Variants in SPRED2 observed in about 807,000 individuals in gnomAD.
SPRED2 encodes the protein sprouty related EVH1 domain containing 2, also known as sprouty-related, EVH1 domain-containing protein 2.
Under a neutral mutation model 43.0 loss-of-function variants are expected in SPRED2, and 47 were observed. The observed-to-expected ratio is 1.09, with a 90% confidence interval of 0.87 to 1.40. The LOEUF is 1.40. Among genes scored for constraint, SPRED2 ranks in the 40% most tolerant of loss-of-function variants. SPRED2 has a pLI of 0.00. For missense variants in SPRED2, 561 were observed against 586.4 expected (o/e 0.96, Z 0.45); for synonymous variants, 225 against 225.7 (o/e 1.00, Z 0.03).
At chr2:65,374,804 G>A (rs898545389) in intron 1 of SPRED2, among the ~76,000 whole-genome samples, 1 of 152,248 alleles carries the variant, frequency 6.6e-6, no homozygotes, top group African/African-American at 2.4e-5. Context: ...CTGACTTGGG[G>A]CCCAACTTCC....
intron 1 of SPRED2, among the ~76,000 whole-genome samples, chr2:65,353,926 C>CT (rs149101194): frequency 0.18 from 26,883 of 152,174 alleles, 2,939 homozygotes; most frequent in South Asian, 0.27. Context: ...AATGGATGCT[C>CT]TGCCCAGCTG....
At chr2:65,342,396 ATATGTATG>A (rs1301482508) in intron 2 of SPRED2, among the ~76,000 whole-genome samples, 3 of 147,730 alleles carry the variant, frequency 2.0e-5, no homozygotes, top group Non-Finnish European at 3.0e-5. Flanking sequence ...GTATATGTAT[ATATGTATG>A]TATATTTTGT....
chr2:65,407,215 T>C (rs1269714634), intron 1 of SPRED2, among the ~76,000 whole-genome samples: 10 of 151,056 alleles, frequency 6.6e-5, no homozygotes, highest in South Asian at 4.2e-4. Flanking sequence ...GTGTGAGCCA[T>C]AGTCTCTTTC....
intron 4 of SPRED2, among the ~76,000 whole-genome samples, chr2:65,323,306 T>G (rs1395338215): frequency 6.6e-6 from 1 of 152,150 alleles, no homozygotes. Context: ...ACTGTCAAAT[T>G]TTTCTATGGT....
At chr2:65,341,574 C>T (rs542424574) in intron 2 of SPRED2, among the ~76,000 whole-genome samples, 34 of 152,204 alleles carry the variant, frequency 2.2e-4, no homozygotes, top group African/African-American at 7.9e-4. Context: ...CCACCCCATG[C>T]CAAGGACGTG....
At chr2:65,309,376 T>G (rs1340936531), downstream of SPRED2, among the ~76,000 whole-genome samples, 1 of 151,588 alleles carries the variant, frequency 6.6e-6, no homozygotes, top group African/African-American at 2.4e-5. Context: ...CATGGTGATG[T>G]GCACCTGTAG....
intron 1 of SPRED2, among the ~76,000 whole-genome samples, chr2:65,405,827 T>C (rs890484033): frequency 6.6e-6 from 1 of 152,198 alleles, no homozygotes; most frequent in African/African-American, 2.4e-5. Flanking sequence ...TTACCAGCCC[T>C]TCTCCTCCCA....
At chr2:65,395,461 C>T in intron 1 of SPRED2, among the ~76,000 whole-genome samples, 1 of 152,174 alleles carries the variant, frequency 6.6e-6, no homozygotes, top group East Asian at 1.9e-4. Context: ...CCCTCACACT[C>T]ATCCATTCAG....
chr2:65,419,989 C>T (rs537315994), intron 1 of SPRED2, among the ~76,000 whole-genome samples: 1 of 152,082 alleles, frequency 6.6e-6, no homozygotes, highest in Non-Finnish European at 1.5e-5. Context: ...GTGGGCAGAT[C>T]ACTTGAGGTC....
intron 4 of SPRED2, among the ~76,000 whole-genome samples, chr2:65,321,919 C>T (rs530618679): frequency 5.9e-5 from 9 of 152,098 alleles, no homozygotes; most frequent in Admixed American, 2.6e-4. Context: ...ATTACAAGCA[C>T]GTGCCAACAC....
intron 4 of SPRED2, among the ~76,000 whole-genome samples, chr2:65,322,296 T>TATA (rs1558649902): frequency 5.6e-5 from 6 of 106,454 alleles, no homozygotes; most frequent in African/African-American, 1.8e-4. Context: ...ATATATATAT[T>TATA]TTTTTTTTTT....
Position 65,386,085 on chromosome 2 carries a change from GACCAGCCTGGCCAACAGGGTGAA to G in SPRED2, c.27-41212_27-41190del, listed in dbSNP as rs532248107. Among the ~76,000 whole-genome samples the G allele has an allele frequency of 4.8e-3, 736 of 152,192 alleles. 5 individuals carry two copies. The highest frequency in any genetic ancestry group is 0.017 in the African/African-American group (686 of 41,526). ...GGATCGCCTGAGGTCAGGAGTTTGAGACCAGCCTGGCCAACAGGGTGAAACCTCATCTCTACTAAAGATACAAA... is the reference window on the plus strand; with the variant it reads ...GGATCGCCTGAGGTCAGGAGTTTGAGACCTCATCTCTACTAAAGATACAAA... On this transcript the variant is annotated intron_variant, in intron 1 of 5. Transcript: ENST00000356388.
chr2:65,381,289 C>A (rs1480858156), intron 1 of SPRED2, among the ~76,000 whole-genome samples: 1 of 152,212 alleles, frequency 6.6e-6, no homozygotes, highest in African/African-American at 2.4e-5. Context: ...TGATAATAGA[C>A]AAATGCTCAT....
chr2:65,324,521 T>C (rs575504896), intron 4 of SPRED2, among the ~76,000 whole-genome samples: 2 of 152,212 alleles, frequency 1.3e-5, no homozygotes, highest in Non-Finnish European at 2.9e-5. Context: ...TCCTGCTGTA[T>C]GAGCCTTTTT....
chr2:65,396,287 G>C (rs939268413), intron 1 of SPRED2, among the ~76,000 whole-genome samples: 5 of 152,068 alleles, frequency 3.3e-5, no homozygotes, highest in Non-Finnish European at 5.9e-5. Flanking sequence ...GTCCTTCAAG[G>C]CTCAACTCAA....
rs1327427451 is a variant in SPRED2 at position 65,322,260 on chromosome 2, CTCTCTCTCTCTA to C, written c.439-5389_439-5378del. ...TCTCTCTCTCTCTCTCTCTCTCTCTCTCTCTCTCTCTATATATATATATATATATATATATTT... is the reference window on the plus strand; with the variant it reads ...TCTCTCTCTCTCTCTCTCTCTCTCTCTATATATATATATATATATATATTT... On this transcript the variant is annotated intron_variant, in intron 4 of 5. Transcript: ENST00000356388. Among the ~76,000 whole-genome samples, 210 of 75,974 alleles carry C rather than the reference CTCTCTCTCTCTA, an allele frequency of 2.8e-3. 1 individual carries two copies. The highest frequency in any genetic ancestry group is 4.2e-3 in the Non-Finnish European group (175 of 41,444). The allele number at this position is 75,974 out of a possible 152,430, so 49.8% of individuals were successfully genotyped here.
intron 1 of SPRED2, among the ~76,000 whole-genome samples, chr2:65,362,858 CAA>C (rs113411208): frequency 1.4e-5 from 2 of 141,544 alleles, no homozygotes; most frequent in African/African-American, 2.6e-5. Flanking sequence ...AACTCCATTT[CAA>C]AAAAAAAAAG....
rs760691501 is a variant in SPRED2, at chr2:65,332,008, A to G, written c.417T>C (p.Leu139=). 3 of 1,609,832 alleles carry G rather than the reference A, an allele frequency of 1.9e-6. No homozygotes were observed. Among genetic ancestry groups the G allele is most frequent in the African/African-American group, 1.3e-5 (1 of 74,848 alleles). ...SSSTIHNEAE[L]GDDDVFTTAT... Reference sequence around the variant, plus strand: ...TTACTGTAAAAACGTCATCATCGCCAAGCTCAGCTTCATTATGGATGGTGG... The same window carrying G: ...TTACTGTAAAAACGTCATCATCGCCGAGCTCAGCTTCATTATGGATGGTGG... Residue 139 remains leucine (L), a synonymous_variant, in exon 4 of 6, where the codon CTT becomes CTC. Transcript: ENST00000356388.
In SPRED2 at chr2:65,420,007, C is replaced by T. The variant is rs555914070; in HGVS notation, c.26+11955G>A. Among the ~76,000 whole-genome samples, 106 of 151,968 alleles carry T rather than the reference C, an allele frequency of 7.0e-4. 1 individual carries two copies. Among genetic ancestry groups the T allele is most frequent in the Non-Finnish European group, 2.6e-4 (18 of 67,962 alleles). On this transcript the variant is annotated intron_variant, in intron 1 of 5. Transcript: ENST00000356388. Reference sequence around the variant, plus strand: ...GGCAGATCACTTGAGGTCAGGAGTTCGAGACCAGCCAGGACAACATGGTGA... The same window carrying T: ...GGCAGATCACTTGAGGTCAGGAGTTTGAGACCAGCCAGGACAACATGGTGA...
Sources: gnomAD v4.1 joint callset for allele counts (sites outside exome capture counted in the v4.1 genomes callset) on GRCh38, gnomAD v4.1.1 for gene constraint, MANE v1.5 for transcripts, NCBI Gene and HGNC (gene_info 2026-07-23, HGNC 2026-07-21) for gene names.